The following PRPF38B variants were observed in gnomAD, a reference collection of about 807,000 sequenced individuals.
PRPF38B encodes pre-mRNA processing factor 38B, also known as pre-mRNA-splicing factor 38B.
A neutral mutation model predicts 67.2 loss-of-function variants in PRPF38B; 18 were observed. The ratio of observed to expected loss-of-function variants is 0.27; its 90% CI spans 0.19 to 0.40. The LOEUF is 0.40. Among genes scored for constraint, PRPF38B ranks in the 10% least tolerant of loss-of-function variants. The pLI is 1.00. For synonymous variants in PRPF38B, 246 were observed against 234.2 expected (o/e 1.05, Z -0.46); for missense variants, 544 against 684.9 (o/e 0.79, Z 2.30).
intron 1 of PRPF38B, 133 bp downstream of exon 1, chr1:108,693,000 G>A (rs1471285579): frequency 2.6e-6 from 3 of 1,174,566 alleles, no homozygotes; most frequent in Non-Finnish European, 3.5e-6. Context: ...GGTGGCTGCG[G>A]CCTGTAGTGT....
In PRPF38B at chr1:108,692,466, A is replaced by G; in HGVS notation, c.-126A>G. ...GCCCTCTCTTGCCCAGCTGGGGCAC[A>G]GCGAGGCGGCCCCTTCTCCCGACGA... On this transcript the variant is annotated 5_prime_UTR_variant, in exon 1 of 6. Coordinates refer to ENST00000370025, the MANE Select transcript of PRPF38B (RefSeq NM_018061.4). 8.6e-7 allele frequency: 1 copy of G among 1,165,888 alleles called. No individual in the cohort carries two copies. The highest frequency in any genetic ancestry group is 1.2e-6 in the Non-Finnish European group (1 of 854,400). The allele number at this position is 1,165,888 out of a possible 1,614,324, so 72.2% of individuals were successfully genotyped here.
rs1378237403 is a variant in PRPF38B at position 108,702,740 on chromosome 1, A to G, written c.*2720A>G. On this transcript the variant is annotated 3_prime_UTR_variant, in exon 6 of 6. Coordinates refer to ENST00000370025, the MANE Select transcript of PRPF38B (RefSeq NM_018061.4). Reference sequence around the variant, plus strand: ...ACCAAGGTACATGTATATCTAGGTAACAAACCGGCACGTTCTGCACATGTA... The same window carrying G: ...ACCAAGGTACATGTATATCTAGGTAGCAAACCGGCACGTTCTGCACATGTA... Among the ~76,000 whole-genome samples the G allele has an allele frequency of 6.6e-6, 1 of 152,184 alleles. No homozygotes were observed. The highest frequency in any genetic ancestry group is 1.9e-4 in the East Asian group (1 of 5,204).
rs746640148 is a variant in PRPF38B at position 108,692,910 on chromosome 1, G to GA, written c.276+44dup. The GA allele has an allele frequency of 1.9e-6, 3 of 1,579,654 alleles. No homozygotes were observed. In the African/African-American group the frequency reaches 4.1e-5, roughly 21 times the overall value. On this transcript the variant is annotated intron_variant, in intron 1 of 5. Coordinates refer to ENST00000370025, the MANE Select transcript of PRPF38B (RefSeq NM_018061.4). ...CTTGGCTTTGGGGGTAAGTTCGGAA[G>GA]AGGGGGTATGGAGGAAACGGGCGAA...
chr1:108,694,237 A>C (rs572447108), intron 1 of PRPF38B, among the ~76,000 whole-genome samples: 1 of 152,328 alleles, frequency 6.6e-6, no homozygotes, highest in East Asian at 1.9e-4. Flanking sequence ...ATGGTGAATA[A>C]CATTTAATCC....
chr1:108,699,991 C>G lies in PRPF38B; in HGVS notation c.1612C>G (p.Gln538Glu), dbSNP rs761045924. The change falls in exon 6 of 6, where the codon CAG becomes GAG. Residue 538 changes from glutamine (Q) to glutamate (E), a missense_variant. Physicochemically the swap from Gln to Glu is conservative, Grantham distance 29. Around this residue, in one of 5 missense-constraint regions of PRPF38B, gnomAD observed 387 missense variants for 386.1 expected, o/e 1.00. Coordinates refer to ENST00000370025, the MANE Select transcript of PRPF38B (RefSeq NM_018061.4). ...TATAGAACAAGAGAGCCAAGAAAAA[C>G]AGCATAAAAACAAAGATGAGACTGT... The part of the protein sequence containing the change: ...QSIEQESQEK[Q>E]HKNKDETV 6 of 1,591,482 alleles carry G rather than the reference C, an allele frequency of 3.8e-6. No individual in the cohort carries two copies. In the South Asian group the frequency reaches 6.8e-5, roughly 18 times the overall value.
chr1:108,699,506 A>G lies in PRPF38B; in HGVS notation c.1127A>G (p.Asn376Ser). ...CGTGACTATGATAAGGAAAGAGGAAATGAACGAGAAAAAGAGAGAGAGCGA... is the reference window on the plus strand; with the variant it reads ...CGTGACTATGATAAGGAAAGAGGAAGTGAACGAGAAAAAGAGAGAGAGCGA... ...RDRDYDKERG[N>S]EREKERERSR... The change falls in exon 6 of 6, where the codon AAT (asparagine) becomes AGT (serine). Residue 376 changes from asparagine (N) to serine (S), a missense_variant. Physicochemically the swap from Asn to Ser is conservative, Grantham distance 46 (BLOSUM62 1). Around this residue, in one of 5 missense-constraint regions of PRPF38B, gnomAD observed 387 missense variants for 386.1 expected, o/e 1.00. Coordinates refer to ENST00000370025, the MANE Select transcript of PRPF38B (RefSeq NM_018061.4). 3.2e-6 allele frequency: 5 copies of G among 1,575,044 alleles called. No homozygotes were observed. Among genetic ancestry groups the G allele is most frequent in the Non-Finnish European group, 3.4e-6 (4 of 1,160,056 alleles).
At chr1:108,695,056 C>T (rs1444919391) in intron 1 of PRPF38B, among the ~76,000 whole-genome samples, 1 of 152,062 alleles carries the variant, frequency 6.6e-6, no homozygotes, top group Non-Finnish European at 1.5e-5. Context: ...GTAAGTGTGG[C>T]CTTTGTAATT....
At position 108,702,070 on chromosome 1, in the gene PRPF38B, C is replaced by T. The variant is rs569927016; in HGVS notation, c.*2050C>T. Among the ~76,000 whole-genome samples the T allele has an allele frequency of 6.6e-6, 1 of 152,212 alleles. No individual in the cohort carries two copies. The highest frequency in any genetic ancestry group is 1.5e-5 in the Non-Finnish European group (1 of 68,036). On this transcript the variant is annotated 3_prime_UTR_variant, in exon 6 of 6. Coordinates refer to ENST00000370025, the MANE Select transcript of PRPF38B (RefSeq NM_018061.4). ...ATTACTTCACATGGAGGTGAAAGAA[C>T]TATCACCTCGATTGACAGTTCGATG...
intron 1 of PRPF38B, 84 bp downstream of exon 1, chr1:108,692,951 C>G: frequency 6.6e-7 from 1 of 1,505,038 alleles, no homozygotes; most frequent in Non-Finnish European, 8.9e-7. Flanking sequence ...CCCCCGAAAT[C>G]TGAAGATTTG....
chr1:108,692,557 CCCCTCCTTCCCT>C lies in PRPF38B; in HGVS notation c.-24_-13del, dbSNP rs751766477. 99 of 1,503,006 alleles carry C rather than the reference CCCCTCCTTCCCT, an allele frequency of 6.6e-5. No individual in the cohort carries two copies. Among genetic ancestry groups the C allele is most frequent in the Non-Finnish European group, 8.2e-5 (92 of 1,123,168 alleles). 93.1% of individuals were successfully genotyped at this position (1,503,006 alleles called of 1,614,324 possible). A position where few individuals can be genotyped will look rare whatever the true frequency, so the allele number is the denominator to read the frequency against. On this transcript the variant is annotated 5_prime_UTR_variant, in exon 1 of 6. Coordinates refer to ENST00000370025, the MANE Select transcript of PRPF38B (RefSeq NM_018061.4). ...CGAGATCGAGCTTGGCCCCCTCCCC[CCCCTCCTTCCCT>C]CCCTCCTTCCTTCCGCCGCAACATG...
rs574797897 is a variant in PRPF38B, at chr1:108,700,108, C to T, written c.*88C>T. On this transcript the variant is annotated 3_prime_UTR_variant, in exon 6 of 6. Coordinates refer to ENST00000370025, the MANE Select transcript of PRPF38B (RefSeq NM_018061.4). Reference sequence around the variant, plus strand: ...CACGTTGAGATTGTGCAGTAGTTCGCACTCCTCAAGCTCTCCCTGTAGGCT... The same window carrying T: ...CACGTTGAGATTGTGCAGTAGTTCGTACTCCTCAAGCTCTCCCTGTAGGCT... 7 of 1,498,092 alleles carry T rather than the reference C, an allele frequency of 4.7e-6. No homozygotes were observed. Among genetic ancestry groups the T allele is most frequent in the East Asian group, 2.3e-5 (1 of 43,628 alleles). The allele number at this position is 1,498,092 out of a possible 1,614,324, so 92.8% of individuals were successfully genotyped here. A position where few individuals can be genotyped will look rare whatever the true frequency, so the allele number is the denominator to read the frequency against.
Position 108,698,832 on chromosome 1 carries a change from T to TG in PRPF38B, c.782+6dup. 1.9e-6 allele frequency: 3 copies of TG among 1,597,758 alleles called. No individual in the cohort carries two copies. The highest frequency in any genetic ancestry group is 1.7e-6 in the Non-Finnish European group (2 of 1,166,158). ...TGTTGAACGCAGACGTTCAAGGTAA[T>TG]GTCACTCTTGAATTATGCTTATTTT... is the stretch of plus-strand genomic sequence containing the variant. On this transcript the variant is annotated splice_donor_region_variant and intron_variant, in intron 5 of 5. Coordinates refer to ENST00000370025, the MANE Select transcript of PRPF38B (RefSeq NM_018061.4).
chr1:108,700,593 A>G lies in PRPF38B; in HGVS notation c.*573A>G, dbSNP rs747000450. ...ATATGTTACACTTAATATTCTCCACAGTTACCTTTAGAGAGAATTTATGAG... is the reference window on the plus strand; with the variant it reads ...ATATGTTACACTTAATATTCTCCACGGTTACCTTTAGAGAGAATTTATGAG... On this transcript the variant is annotated 3_prime_UTR_variant, in exon 6 of 6. Transcript: ENST00000370025. 6.5e-6 allele frequency: 1 copy of G among 152,702 alleles called. No individual in the cohort carries two copies. The highest frequency in any genetic ancestry group is 1.5e-5 in the Non-Finnish European group (1 of 68,056). The allele number at this position is 152,702 out of a possible 1,614,324, so 9.5% of individuals were successfully genotyped here. A position where few individuals can be genotyped will look rare whatever the true frequency, so the allele number is the denominator to read the frequency against.
rs748607917 is a variant in PRPF38B at position 108,696,190 on chromosome 1, A to G, written c.493A>G (p.Ile165Val). ...PYIRALGFMY[I>V]RYTQPPTDLW... ...TATTAGAGCGCTTGGATTTATGTATATAAGGTGAGCGTACATTTATGTACA... is the reference window on the plus strand; with the variant it reads ...TATTAGAGCGCTTGGATTTATGTATGTAAGGTGAGCGTACATTTATGTACA... Residue 165 changes from isoleucine to valine, a missense_variant, in exon 3 of 6, where the codon ATA becomes GTA. By Grantham distance (29) the Ile-to-Val change is conservative (BLOSUM62 3). Around this residue, in one of 5 missense-constraint regions of PRPF38B, gnomAD observed 57 missense variants for 122.7 expected, o/e 0.46. Coordinates refer to ENST00000370025, the MANE Select transcript of PRPF38B (RefSeq NM_018061.4). 3.7e-6 allele frequency: 6 copies of G among 1,613,518 alleles called. No homozygotes were observed. The highest frequency in any genetic ancestry group is 5.1e-6 in the Non-Finnish European group (6 of 1,179,650).
chr1:108,692,911 AG>A (rs562302686), intron 1 of PRPF38B, 44 bp downstream of exon 1: 4 of 1,577,722 alleles, frequency 2.5e-6, no homozygotes. Flanking sequence ...AGTTCGGAAG[AG>A]GGGGTATGGA....
In PRPF38B at chr1:108,700,225, G is replaced by A. The variant is rs1660339022; in HGVS notation, c.*205G>A. The A allele has an allele frequency of 1.2e-6, 1 of 809,568 alleles. No individual in the cohort carries two copies. Among genetic ancestry groups the A allele is most frequent in the East Asian group, 3.1e-5 (1 of 32,740 alleles). The allele number at this position is 809,568 out of a possible 1,614,324, so 50.1% of individuals were successfully genotyped here. A position where few individuals can be genotyped will look rare whatever the true frequency, so the allele number is the denominator to read the frequency against. On this transcript the variant is annotated 3_prime_UTR_variant, in exon 6 of 6. Coordinates refer to ENST00000370025, the MANE Select transcript of PRPF38B (RefSeq NM_018061.4). ...CACCCAATTGTTAAGTTTGATACAT[G>A]ATGCACAGATTGTTCTTGCATTTTT...
rs1053637361 is a variant in PRPF38B at position 108,699,833 on chromosome 1, C to T, written c.1454C>T (p.Ser485Leu). 1 of 1,609,828 alleles carries T rather than the reference C, an allele frequency of 6.2e-7. No individual in the cohort carries two copies. Among genetic ancestry groups the T allele is most frequent in the Admixed American group, 1.7e-5 (1 of 58,836 alleles). Residue 485 changes from serine to leucine, a missense_variant, in exon 6 of 6, where the codon TCA (serine) becomes TTA (leucine). Transcript: ENST00000370025. ...SQGRTDSVEK[S>L]KKREHSPSKE... ...GGAAGAACTGACAGTGTTGAAAAAT[C>T]AAAAAAACGGGAACATAGTCCCAGC... is the stretch of plus-strand genomic sequence containing the variant.
At position 108,700,240 on chromosome 1, in the gene PRPF38B, C is replaced by T. The variant is rs1660339636; in HGVS notation, c.*220C>T. Reference sequence around the variant, plus strand: ...TTTGATACATGATGCACAGATTGTTCTTGCATTTTTATTGTTTGTTTTTGA... The same window carrying T: ...TTTGATACATGATGCACAGATTGTTTTTGCATTTTTATTGTTTGTTTTTGA... On this transcript the variant is annotated 3_prime_UTR_variant, in exon 6 of 6. Transcript: ENST00000370025. 1 of 722,728 alleles carries T rather than the reference C, an allele frequency of 1.4e-6. No individual in the cohort carries two copies. The highest frequency in any genetic ancestry group is 3.9e-5 in the Admixed American group (1 of 25,906). The allele number at this position is 722,728 out of a possible 1,614,324, so 44.8% of individuals were successfully genotyped here. A position where few individuals can be genotyped will look rare whatever the true frequency, so the allele number is the denominator to read the frequency against.
chr1:108,695,244 TG>T (rs977398483), intron 1 of PRPF38B, among the ~76,000 whole-genome samples: 2 of 152,230 alleles, frequency 1.3e-5, no homozygotes, highest in African/African-American at 4.8e-5. Context: ...GAAGGTGTTT[TG>T]AAGTTTTTAA....
Sources: allele counts gnomAD v4.1 joint callset (sites outside exome capture counted in the v4.1 genomes callset), GRCh38; gene constraint gnomAD v4.1.1; regional missense constraint gnomAD v4.1.1; transcripts MANE v1.5; gene names NCBI Gene and HGNC (gene_info 2026-07-23, HGNC 2026-07-21).